The following KIF6 variants were observed in gnomAD, a reference collection of about 807,000 sequenced individuals.
The protein encoded by KIF6 is kinesin-like protein KIF6.
In KIF6, 106 loss-of-function variants were observed where a neutral mutation model predicts 112.7. The ratio of observed to expected loss-of-function variants is 0.94; its 90% confidence interval spans 0.80 to 1.11. The LOEUF is 1.11. KIF6 is among the 50% of genes least tolerant of loss of function. The probability of loss-of-function intolerance (pLI) is 0.00; values close to 1 mark genes in which losing one functional copy is unlikely to be tolerated. For synonymous variants in KIF6, 339 were observed against 339.9 expected (o/e 1.00, Z 0.03); for missense variants, 929 against 964.0 (o/e 0.96, Z 0.48).
chr6:39,410,921 C>A (rs1417071388), intron 15 of KIF6, among the ~76,000 whole-genome samples: 1 of 152,184 alleles, frequency 6.6e-6, no homozygotes, highest in Non-Finnish European at 1.5e-5. Flanking sequence ...CATACAAGAC[C>A]TCTTTTCCTC....
intron 13 of KIF6, among the ~76,000 whole-genome samples, chr6:39,469,484 AAC>A (rs1773992312): frequency 1.3e-5 from 2 of 152,164 alleles, no homozygotes; most frequent in Non-Finnish European, 2.9e-5. Context: ...TGAAAACAGT[AAC>A]CATAAGAAAG....
intron 3 of KIF6, among the ~76,000 whole-genome samples, chr6:39,684,208 A>G (rs1043495974): frequency 2.6e-5 from 4 of 152,286 alleles, no homozygotes; most frequent in African/African-American, 9.6e-5. Context: ...GATGTTATGA[A>G]AATTAAGAGT....
chr6:39,499,218 G>A (rs905013973), intron 13 of KIF6, among the ~76,000 whole-genome samples: 1 of 152,178 alleles, frequency 6.6e-6, no homozygotes, highest in African/African-American at 2.4e-5. Flanking sequence ...GCATGTATAA[G>A]GGTAGTAGAG....
At chr6:39,455,072 C>G (rs1287821010) in intron 13 of KIF6, among the ~76,000 whole-genome samples, 1 of 151,052 alleles carries the variant, frequency 6.6e-6, no homozygotes, top group East Asian at 2.0e-4. Flanking sequence ...GGGCAGGGCA[C>G]AGACAAACAA....
At chr6:39,588,266 T>C (rs1285341718) in intron 7 of KIF6, among the ~76,000 whole-genome samples, 2 of 152,186 alleles carry the variant, frequency 1.3e-5, no homozygotes, top group East Asian at 3.8e-4. Context: ...AATGCTGAAG[T>C]GTGGTGGCAC....
chr6:39,540,799 G>A (rs1275055506), intron 12 of KIF6, among the ~76,000 whole-genome samples: 1 of 152,224 alleles, frequency 6.6e-6, no homozygotes, highest in Non-Finnish European at 1.5e-5. Context: ...AGCCACTAAT[G>A]TTTGGTCTCA....
chr6:39,392,969 C>T (rs1767999765), intron 15 of KIF6, among the ~76,000 whole-genome samples: 1 of 152,072 alleles, frequency 6.6e-6, no homozygotes. Context: ...AAAATAAATC[C>T]ACCCCCACAC....
rs550006998 is a variant in KIF6, at chr6:39,391,476, A to G, written c.1811-5804T>C. ...AAACTCAGCCCCTCTCCAGCTGCTA[A>G]GCCCAGCTGCTCACGGGCTCTATAC... On this transcript the variant is annotated intron_variant, in intron 15 of 22. Transcript: ENST00000287152. Among the ~76,000 whole-genome samples the G allele has an allele frequency of 1.7e-4, 26 of 152,340 alleles. 1 individual carries two copies. In the South Asian group the frequency reaches 5.2e-3, roughly 30 times the overall value.
At chr6:39,700,373 C>G (rs113379928) in intron 3 of KIF6, among the ~76,000 whole-genome samples, 1 of 152,246 alleles carries the variant, frequency 6.6e-6, no homozygotes, top group South Asian at 2.1e-4. Flanking sequence ...TAAATTACTT[C>G]GAAATGTAAG....
chr6:39,671,098 T>G (rs1786790273), intron 3 of KIF6, among the ~76,000 whole-genome samples: 1 of 152,158 alleles, frequency 6.6e-6, no homozygotes, highest in Non-Finnish European at 1.5e-5. Context: ...AGCTTATAGT[T>G]CAGTTGGCGA....
chr6:39,551,044 C>T (rs1205080758), intron 10 of KIF6, among the ~76,000 whole-genome samples: 1 of 152,206 alleles, frequency 6.6e-6, no homozygotes, highest in South Asian at 2.1e-4. Context: ...AATAGTGCTG[C>T]AATAAATATG....
Position 39,362,621 on chromosome 6 carries a change from G to A in KIF6, c.1862-103C>T, listed in dbSNP as rs1562133270. On this transcript the variant is annotated intron_variant, in intron 16 of 22. Coordinates refer to ENST00000287152, the MANE Select transcript of KIF6 (RefSeq NM_145027.6). Reference sequence around the variant, plus strand: ...GTTCAAGGGCACCCCAAGAAGAAAGGAGCCTCTGTGAGTTCCTTCTGGGGC... The same window carrying A: ...GTTCAAGGGCACCCCAAGAAGAAAGAAGCCTCTGTGAGTTCCTTCTGGGGC... 3.5e-6 allele frequency: 3 copies of A among 853,034 alleles called. No individual in the cohort carries two copies. In the East Asian group the frequency reaches 7.3e-5, roughly 21 times the overall value. 52.8% of individuals were successfully genotyped at this position (853,034 alleles called of 1,614,324 possible). A position where few individuals can be genotyped will look rare whatever the true frequency, so the allele number is the denominator to read the frequency against.
At chr6:39,677,324 C>A (rs1271083981) in intron 3 of KIF6, among the ~76,000 whole-genome samples, 3 of 151,900 alleles carry the variant, frequency 2.0e-5, no homozygotes. Flanking sequence ...GACAGAATTA[C>A]AAGTAGAAAT....
chr6:39,441,095 TTGAAAGGTGCA>T (rs1464255798), intron 13 of KIF6, among the ~76,000 whole-genome samples: 1 of 152,166 alleles, frequency 6.6e-6, no homozygotes, highest in Non-Finnish European at 1.5e-5. Flanking sequence ...GGAGGAGTTT[TTGAAAGGTGCA>T]TGAAAGACAA....
chr6:39,709,558 C>T (rs1789415822), intron 3 of KIF6, among the ~76,000 whole-genome samples: 1 of 152,154 alleles, frequency 6.6e-6, no homozygotes, highest in Non-Finnish European at 1.5e-5. Context: ...TGGCCTGGGG[C>T]TTTGGGGACC....
At chr6:39,686,964 G>T (rs773606244) in intron 3 of KIF6, among the ~76,000 whole-genome samples, 1 of 152,044 alleles carries the variant, frequency 6.6e-6, no homozygotes, top group Admixed American at 6.6e-5. Context: ...TAGTATTTTA[G>T]CATGAAGAAA....
chr6:39,366,960 G>A (rs1194155533), intron 16 of KIF6, among the ~76,000 whole-genome samples: 1 of 151,836 alleles, frequency 6.6e-6, no homozygotes, highest in East Asian at 1.9e-4. Flanking sequence ...TGGAGGTGGC[G>A]CCAGGAAGCC....
intron 7 of KIF6, among the ~76,000 whole-genome samples, chr6:39,588,357 G>C (rs188720513): frequency 6.0e-4 from 91 of 152,180 alleles, no homozygotes; most frequent in Middle Eastern, 3.4e-3. Flanking sequence ...GGGATTACAG[G>C]CGTGCACCAC....
intron 13 of KIF6, among the ~76,000 whole-genome samples, chr6:39,440,742 GA>G (rs1315402876): frequency 6.6e-6 from 1 of 152,192 alleles, no homozygotes; most frequent in Non-Finnish European, 1.5e-5. Context: ...CTGAGGAAGG[GA>G]TAATCTATCG....
Sources: gnomAD v4.1 joint callset for allele counts (sites outside exome capture counted in the v4.1 genomes callset) on GRCh38, gnomAD v4.1.1 for gene constraint, MANE v1.5 for transcripts, NCBI Gene and HGNC (gene_info 2026-07-23, HGNC 2026-07-21) for gene names.